The following TMTC1 variants were observed in gnomAD, a reference collection of about 807,000 sequenced individuals.
The protein encoded by TMTC1 is protein O-mannosyl-transferase TMTC1.
A neutral mutation model predicts 104.8 loss-of-function variants in TMTC1; 73 were observed. That is an observed-to-expected ratio of 0.70 (90% CI 0.58 to 0.85). The LOEUF (loss-of-function observed/expected upper bound fraction) is 0.85. TMTC1 is among the 40% of genes least tolerant of loss of function. The probability of loss-of-function intolerance (pLI) is 0.00; values close to 1 mark genes in which losing one functional copy is unlikely to be tolerated. For synonymous variants in TMTC1, 434 were observed against 428.7 expected (o/e 1.01, Z -0.15); for missense variants, 1,035 against 1,096.1 (o/e 0.94, Z 0.79).
At chr12:29,602,881 A>G (rs1452834979) in intron 7 of TMTC1, among the ~76,000 whole-genome samples, 1 of 152,182 alleles carries the variant, frequency 6.6e-6, no homozygotes, top group African/African-American at 2.4e-5. Flanking sequence ...ATGAATATCT[A>G]TCAAATGAAG....
At chr12:29,771,752 C>G (rs1252752213) in intron 1 of TMTC1, among the ~76,000 whole-genome samples, 1 of 152,118 alleles carries the variant, frequency 6.6e-6, no homozygotes, top group African/African-American at 2.4e-5. Context: ...AAACACAGAG[C>G]ACCTTCACAG....
intron 7 of TMTC1, among the ~76,000 whole-genome samples, chr12:29,595,231 A>G (rs1458673739): frequency 6.6e-6 from 1 of 152,230 alleles, no homozygotes; most frequent in Non-Finnish European, 1.5e-5. Flanking sequence ...TATTAAGGGC[A>G]GAATTCCAGT....
At position 29,586,763 on chromosome 12, in the gene TMTC1, C is replaced by G. The variant is rs1164303693; in HGVS notation, c.1251-3189G>C. ...TATTGATTTTCGAATGTTAAACCAG[C>G]CTTGCATCCCAGGAATGAAGCCCAC... On this transcript the variant is annotated intron_variant, in intron 7 of 17. Coordinates refer to ENST00000539277, the MANE Select transcript of TMTC1 (RefSeq NM_001193451.2). Among the ~76,000 whole-genome samples the G allele has an allele frequency of 3.4e-5, 5 of 147,546 alleles. 1 individual carries two copies. Among genetic ancestry groups the G allele is most frequent in the South Asian group, 2.1e-4 (1 of 4,666 alleles).
At chr12:29,606,384 G>C (rs891042827) in intron 6 of TMTC1, among the ~76,000 whole-genome samples, 24 of 152,038 alleles carry the variant, frequency 1.6e-4, no homozygotes, top group African/African-American at 5.6e-4. Context: ...CAAGAATCCT[G>C]TATATCAAGA....
At chr12:29,623,390 C>T (rs1312859890) in intron 6 of TMTC1, among the ~76,000 whole-genome samples, 1 of 152,152 alleles carries the variant, frequency 6.6e-6, no homozygotes, top group Non-Finnish European at 1.5e-5. Flanking sequence ...AGTATGCTCC[C>T]ACCTCCACCT....
At chr12:29,608,667 G>A (rs985934161) in intron 6 of TMTC1, among the ~76,000 whole-genome samples, 4 of 152,130 alleles carry the variant, frequency 2.6e-5, no homozygotes, top group South Asian at 2.1e-4. Flanking sequence ...TTTCTTTTCT[G>A]GTTGGGAAGA....
intron 5 of TMTC1, among the ~76,000 whole-genome samples, chr12:29,643,865 ATT>A (rs1317661881): frequency 8.8e-4 from 31 of 35,234 alleles, no homozygotes; most frequent in Non-Finnish European, 1.6e-3. Flanking sequence ...ATTTATATAT[ATT>A]TTTATATATA....
intron 1 of TMTC1, among the ~76,000 whole-genome samples, chr12:29,772,733 C>T (rs988129477): frequency 6.6e-6 from 1 of 152,100 alleles, no homozygotes; most frequent in Non-Finnish European, 1.5e-5. Flanking sequence ...ATAATGACAA[C>T]CCACATGAAA....
At chr12:29,618,792 T>C (rs1409984954) in intron 6 of TMTC1, among the ~76,000 whole-genome samples, 3 of 152,136 alleles carry the variant, frequency 2.0e-5, no homozygotes, top group Non-Finnish European at 4.4e-5. Context: ...CAGAACAAGA[T>C]GGAAAATGGT....
At chr12:29,703,601 C>G (rs1347810766) in intron 5 of TMTC1, among the ~76,000 whole-genome samples, 4 of 152,158 alleles carry the variant, frequency 2.6e-5, no homozygotes, top group Admixed American at 2.0e-4. Flanking sequence ...CGCATTTTTG[C>G]TAACAGCAAC....
rs1183359331 is a variant in TMTC1 at position 29,516,393 on chromosome 12, G to A, written c.2263C>T (p.Arg755Cys). ...TTGCTATAGATGGCTGACAAGAGGC[G>A]ATAGCATTCAAGGCATCCGGTCTCC... ...SEETGCLECY[R>C]LLSAIYSKQE... Residue 755 changes from arginine (R) to cysteine (C), a missense_variant, in exon 15 of 18, where the codon CGC (arginine) becomes TGC (cysteine). By Grantham distance (180) the Arg-to-Cys change is radical. Coordinates refer to ENST00000539277, the MANE Select transcript of TMTC1 (RefSeq NM_001193451.2). The A allele has an allele frequency of 8.1e-6, 13 of 1,613,880 alleles. No homozygotes were observed. Among genetic ancestry groups the A allele is most frequent in the Admixed American group, 1.7e-5 (1 of 59,996 alleles).
intron 7 of TMTC1, among the ~76,000 whole-genome samples, chr12:29,600,009 T>TATATATATA (rs1555174500): frequency 1.7e-4 from 12 of 71,754 alleles, no homozygotes; most frequent in East Asian, 1.2e-3. Flanking sequence ...TATATATATA[T>TATATATATA]TTTTTTTTTT....
rs113135039 is a variant in TMTC1, at chr12:29,695,793, T to TTATATA, written c.938+55867_938+55872dup. Among the ~76,000 whole-genome samples the TTATATA allele has an allele frequency of 1.0e-2, 833 of 83,622 alleles. 23 individuals are homozygous for TTATATA. The highest frequency in any genetic ancestry group is 0.016 in the Non-Finnish European group (601 of 37,062). 54.9% of individuals were successfully genotyped at this position (83,622 alleles called of 152,430 possible). ...TCACAAATTTTAAACTACTTCCTTT[T>TTATATA]TATATATATATATATATATATATAT... On this transcript the variant is annotated intron_variant, in intron 5 of 17. Coordinates refer to ENST00000539277, the MANE Select transcript of TMTC1 (RefSeq NM_001193451.2).
intron 10 of TMTC1, among the ~76,000 whole-genome samples, chr12:29,555,134 CTTTTTTT>C (rs77513599): frequency 1.1e-5 from 1 of 88,202 alleles, no homozygotes; most frequent in Non-Finnish European, 2.0e-5. Flanking sequence ...TTCCAACATC[CTTTTTTT>C]TTTTTTTTTT....
At chr12:29,578,532 C>T (rs911383413) in intron 8 of TMTC1, among the ~76,000 whole-genome samples, 3 of 152,038 alleles carry the variant, frequency 2.0e-5, no homozygotes, top group Admixed American at 6.6e-5. Context: ...ATTACATGGC[C>T]GAACGCGAAA....
At chr12:29,565,860 C>CA (rs1261828253) in intron 9 of TMTC1, among the ~76,000 whole-genome samples, 2 of 152,054 alleles carry the variant, frequency 1.3e-5, no homozygotes, top group African/African-American at 4.8e-5. Flanking sequence ...AAAACAAACA[C>CA]AAAAAACCAC....
In TMTC1 at chr12:29,517,544, C is replaced by G; in HGVS notation, c.2052G>C (p.Glu684Asp). The G allele has an allele frequency of 6.2e-7, 1 of 1,614,114 alleles. No individual in the cohort carries two copies. The highest frequency in any genetic ancestry group is 8.5e-7 in the Non-Finnish European group (1 of 1,180,012). The change falls in exon 14 of 18, where the codon GAG becomes GAC. Residue 684 changes from glutamate (E) to aspartate (D), a missense_variant. Physicochemically the swap from Glu to Asp is conservative, Grantham distance 45. Coordinates refer to ENST00000539277, the MANE Select transcript of TMTC1 (RefSeq NM_001193451.2). ...KRALQVAHKA[E>D]ILSPLGALYY... ...ACAGTGCTCCCAAAGGTGACAATATCTCAGCTTTGTGTGCCACCTGCAGGG... is the reference window on the plus strand; with the variant it reads ...ACAGTGCTCCCAAAGGTGACAATATGTCAGCTTTGTGTGCCACCTGCAGGG...
intron 10 of TMTC1, among the ~76,000 whole-genome samples, chr12:29,536,681 T>C (rs2136202991): frequency 6.6e-6 from 1 of 152,286 alleles, no homozygotes; most frequent in Non-Finnish European, 1.5e-5. Context: ...GAGAGCCAAT[T>C]TACAATGATG....
At chr12:29,532,922 A>T (rs982004898) in intron 11 of TMTC1, 2 of 152,028 alleles carry the variant, frequency 1.3e-5, no homozygotes, top group African/African-American at 4.8e-5. Context: ...TTTCTTTTCC[A>T]TTCAACCTTT....
Sources: allele counts gnomAD v4.1 joint callset (sites outside exome capture counted in the v4.1 genomes callset), GRCh38; gene constraint gnomAD v4.1.1; transcripts MANE v1.5; gene names NCBI Gene and HGNC (gene_info 2026-07-23, HGNC 2026-07-21).